Variants in UQCC1 observed in about 807,000 individuals in gnomAD.
The protein encoded by UQCC1 is ubiquinol-cytochrome c reductase complex assembly factor 1, also known as bFGF-repressed Zic-binding protein.
In UQCC1, 38 loss-of-function variants were observed where a neutral mutation model predicts 48.0. The ratio of observed to expected loss-of-function variants is 0.79; its 90% CI spans 0.61 to 1.04. The LOEUF (loss-of-function observed/expected upper bound fraction) is 1.04. Among genes scored for constraint, UQCC1 ranks in the 50% least tolerant of loss-of-function variants. The pLI is 0.00. For missense variants in UQCC1, 368 were observed against 381.8 expected, an observed-to-expected ratio of 0.96 and a Z score of 0.30; for synonymous variants, 111 against 129.2, an observed-to-expected ratio of 0.86 and a Z score of 0.95.
In UQCC1 at chr20:35,406,036, G is replaced by A. The variant is rs537024631; in HGVS notation, c.24+5904C>T. Among the ~76,000 whole-genome samples the A allele has an allele frequency of 2.5e-4, 38 of 151,456 alleles. 1 individual carries two copies. The highest frequency in any genetic ancestry group is 5.9e-5 in the Non-Finnish European group (4 of 67,868). On this transcript the variant is annotated intron_variant, in intron 1 of 9. Coordinates refer to ENST00000374385, the MANE Select transcript of UQCC1 (RefSeq NM_018244.5). Reference sequence around the variant, plus strand: ...GATCATCCAGTCCAAGGAACAGAAAGAAAAAGCAATAAAGACAAATTAGTA... The same window carrying A: ...GATCATCCAGTCCAAGGAACAGAAAAAAAAAGCAATAAAGACAAATTAGTA...
intron 1 of UQCC1, among the ~76,000 whole-genome samples, chr20:35,408,918 C>T (rs575836090): frequency 4.6e-5 from 7 of 151,624 alleles, no homozygotes; most frequent in Admixed American, 1.3e-4. Flanking sequence ...GAGGACATTA[C>T]GCTAAATGAA....
intron 5 of UQCC1, among the ~76,000 whole-genome samples, chr20:35,372,387 T>A (rs546177151): frequency 3.4e-4 from 52 of 152,162 alleles, no homozygotes; most frequent in African/African-American, 1.2e-3. Context: ...TATTTTTTCC[T>A]TTTGGACTAA....
chr20:35,325,232 T>C (rs1200489378), intron 7 of UQCC1, among the ~76,000 whole-genome samples: 2 of 152,196 alleles, frequency 1.3e-5, no homozygotes, highest in African/African-American at 2.4e-5. Context: ...AGAGTTTTTG[T>C]TGGGGATAAT....
intron 7 of UQCC1, among the ~76,000 whole-genome samples, chr20:35,331,197 C>G (rs1351647349): frequency 6.6e-6 from 1 of 152,084 alleles, no homozygotes; most frequent in African/African-American, 2.4e-5. Flanking sequence ...CATAACCATA[C>G]ACATACCACA....
At chr20:35,369,286 C>T (rs1189147979) in intron 5 of UQCC1, among the ~76,000 whole-genome samples, 4 of 152,192 alleles carry the variant, frequency 2.6e-5, no homozygotes, top group Non-Finnish European at 5.9e-5. Flanking sequence ...AACAGAAACC[C>T]ACAGGGTAAA....
rs572255040 is a variant in UQCC1, at chr20:35,363,885, G to A, written c.464+2672C>T. 3.2e-3 allele frequency among the ~76,000 whole-genome samples: 494 copies of A among 152,254 alleles called. 1 individual carries two copies. Among genetic ancestry groups the A allele is most frequent in the South Asian group, 6.0e-3 (29 of 4,828 alleles). ...CCTCCTGGAGCTTCAGGCTAAGAGA[G>A]CAGGGCCAATAGAACATGGCTTCTC... On this transcript the variant is annotated intron_variant, in intron 6 of 9. Coordinates refer to ENST00000374385, the MANE Select transcript of UQCC1 (RefSeq NM_018244.5).
At chr20:35,378,765 G>A (rs2061832726) in intron 4 of UQCC1, among the ~76,000 whole-genome samples, 1 of 152,212 alleles carries the variant, frequency 6.6e-6, no homozygotes, top group Non-Finnish European at 1.5e-5. Flanking sequence ...CAATGACCTT[G>A]TAAGGCTACC....
intron 1 of UQCC1, among the ~76,000 whole-genome samples, chr20:35,399,181 A>G (rs1039528980): frequency 6.6e-6 from 1 of 152,212 alleles, no homozygotes; most frequent in Admixed American, 6.5e-5. Flanking sequence ...GAAAAACACA[A>G]CTAAAGGCAT....
At chr20:35,364,782 G>C (rs1438165270) in intron 6 of UQCC1, among the ~76,000 whole-genome samples, 3 of 152,234 alleles carry the variant, frequency 2.0e-5, no homozygotes, top group Admixed American at 6.5e-5. Flanking sequence ...CCCATCTGCT[G>C]TTAGTCAGGT....
intron 7 of UQCC1, among the ~76,000 whole-genome samples, chr20:35,318,238 A>G (rs1166516014): frequency 1.3e-5 from 2 of 152,240 alleles, no homozygotes; most frequent in East Asian, 1.9e-4. Context: ...TACCTAGCTC[A>G]ATACCCTTGA....
chr20:35,328,252 T>C (rs1039163730), intron 7 of UQCC1, among the ~76,000 whole-genome samples: 7 of 152,168 alleles, frequency 4.6e-5, no homozygotes, highest in East Asian at 1.9e-4. Context: ...TAAGTAAATT[T>C]TGGGCCCCAA....
intron 7 of UQCC1, among the ~76,000 whole-genome samples, chr20:35,317,801 C>T (rs1252691743): frequency 6.6e-6 from 1 of 152,240 alleles, no homozygotes; most frequent in African/African-American, 2.4e-5. Context: ...CATGTTCTAT[C>T]CAACTAGTGT....
chr20:35,343,187 G>A (rs1017984145), intron 7 of UQCC1, among the ~76,000 whole-genome samples: 1 of 152,034 alleles, frequency 6.6e-6, no homozygotes, highest in African/African-American at 2.4e-5. Context: ...GGTACACCTG[G>A]GATGCCAAAT....
chr20:35,322,377 G>A (rs1353882099), intron 7 of UQCC1, among the ~76,000 whole-genome samples: 1 of 152,014 alleles, frequency 6.6e-6, no homozygotes, highest in Non-Finnish European at 1.5e-5. Context: ...CCCTGCCCTC[G>A]AGGAGCTCAC....
At chr20:35,367,985 G>C (rs926120073) in intron 5 of UQCC1, among the ~76,000 whole-genome samples, 6 of 152,146 alleles carry the variant, frequency 3.9e-5, no homozygotes, top group Admixed American at 2.6e-4. Flanking sequence ...AAAGCCTCCT[G>C]CTGGATGAGG....
At chr20:35,347,046 A>G (rs752566942) in intron 7 of UQCC1, 118 bp downstream of exon 7, 5 of 1,608,254 alleles carry the variant, frequency 3.1e-6, no homozygotes, top group Non-Finnish European at 4.2e-6. Context: ...CTGCCACTTG[A>G]TATTAGGCAG....
At chr20:35,329,510 T>C (rs2061233807) in intron 7 of UQCC1, among the ~76,000 whole-genome samples, 1 of 152,164 alleles carries the variant, frequency 6.6e-6, no homozygotes, top group African/African-American at 2.4e-5. Context: ...CTGGGCCCCT[T>C]CAGCTCCAAC....
chr20:35,381,848 TA>T, intron 4 of UQCC1, 69 bp downstream of exon 4: 2 of 936,292 alleles, frequency 2.1e-6, no homozygotes, highest in Non-Finnish European at 3.3e-6. Flanking sequence ...GCAGAAGCTT[TA>T]AAAAATCTAT....
At chr20:35,306,154 G>A (rs548914903) in intron 9 of UQCC1, among the ~76,000 whole-genome samples, 1 of 152,324 alleles carries the variant, frequency 6.6e-6, no homozygotes, top group Non-Finnish European at 1.5e-5. Flanking sequence ...TGGGGAGCCA[G>A]AGGGGTGAGA....
Sources: gnomAD v4.1 joint callset for allele counts (sites outside exome capture counted in the v4.1 genomes callset) on GRCh38, gnomAD v4.1.1 for gene constraint, MANE v1.5 for transcripts, NCBI Gene and HGNC (gene_info 2026-07-23, HGNC 2026-07-21) for gene names.